The following SKP1 variants were observed in gnomAD, a reference collection of about 807,000 sequenced individuals.
SKP1 encodes S-phase kinase associated protein 1, also known as S-phase kinase-associated protein 1.
Under a neutral mutation model 21.5 loss-of-function variants are expected in SKP1, and 1 was observed. The ratio of observed to expected loss-of-function variants is 0.05; its 90% CI spans 0.02 to 0.22. The LOEUF (loss-of-function observed/expected upper bound fraction) is 0.22, where lower values mean the gene tolerates loss of function less well. SKP1 is among the 10% of genes least tolerant of loss of function. The pLI, the probability that SKP1 is intolerant of heterozygous loss-of-function variation, is 1.00. For synonymous variants in SKP1, 59 were observed against 59.3 expected, an observed-to-expected ratio of 0.99 and a Z score of 0.03; for missense variants, 70 against 192.0, an observed-to-expected ratio of 0.36 and a Z score of 3.76.
Position 134,151,765 on chromosome 5 carries a change from C to T in SKP1, c.*5968G>A, listed in dbSNP as rs922573224. 3.8e-5 allele frequency: 17 copies of T among 451,636 alleles called. No homozygotes were observed. The highest frequency in any genetic ancestry group is 3.3e-4 in the Middle Eastern group (1 of 3,056). 28.0% of individuals were successfully genotyped at this position (451,636 alleles called of 1,614,324 possible). A position where few individuals can be genotyped will look rare whatever the true frequency, so the allele number is the denominator to read the frequency against. On this transcript the variant is annotated 3_prime_UTR_variant, in exon 6 of 6. Transcript: ENST00000353411. ...CATAGAATGCTGCTCAATACTGGCA[C>T]ACAGACCAGAGGTAGCCAGCAGTAC...
At chr5:134,167,816 G>A (rs922367805) in intron 2 of SKP1, among the ~76,000 whole-genome samples, 2 of 152,164 alleles carry the variant, frequency 1.3e-5, no homozygotes, top group African/African-American at 4.8e-5. Context: ...GAGCCACCGC[G>A]TCCAGCCATC....
chr5:134,152,010 G>C lies in SKP1; in HGVS notation c.*5723C>G, dbSNP rs1033971169. On this transcript the variant is annotated 3_prime_UTR_variant, in exon 6 of 6. Transcript: ENST00000353411. Reference sequence around the variant, plus strand: ...AATCTTGGGCCAAAGGACATGCTCTGAAATATTTCTTACACCATACTTCAT... The same window carrying C: ...AATCTTGGGCCAAAGGACATGCTCTCAAATATTTCTTACACCATACTTCAT... The C allele has an allele frequency of 3.5e-5, 7 of 200,456 alleles. No individual in the cohort carries two copies. Among genetic ancestry groups the C allele is most frequent in the African/African-American group, 1.6e-4 (7 of 43,824 alleles). The allele number at this position is 200,456 out of a possible 1,614,324, so 12.4% of individuals were successfully genotyped here.
At chr5:134,165,801 G>A (rs1389430826) in intron 3 of SKP1, among the ~76,000 whole-genome samples, 7 of 150,766 alleles carry the variant, frequency 4.6e-5, no homozygotes, top group African/African-American at 1.5e-4. Flanking sequence ...CAGGAGAATT[G>A]CTTGAACCTG....
intron 2 of SKP1, among the ~76,000 whole-genome samples, chr5:134,170,093 C>G (rs890274870): frequency 6.6e-6 from 1 of 151,938 alleles, no homozygotes; most frequent in Non-Finnish European, 1.5e-5. Context: ...TGCTTGAACC[C>G]AGGAGGCAGA....
At chr5:134,169,630 C>T (rs575938545) in intron 2 of SKP1, among the ~76,000 whole-genome samples, 42 of 151,434 alleles carry the variant, frequency 2.8e-4, no homozygotes, top group Non-Finnish European at 5.2e-4. Flanking sequence ...TTTGGGAGGC[C>T]GAGGCAGGCA....
Position 134,158,179 on chromosome 5 carries a change from CAGA to C in SKP1, c.456+273_456+275del. On this transcript the variant is annotated intron_variant, in intron 5 of 5. Transcript: ENST00000353411. ...TGATGTCAGATATGTATGGTCTATACAGAAAGTTGCAGGTGCCAAAACTAGTAA... is the reference window on the plus strand; with the variant it reads ...TGATGTCAGATATGTATGGTCTATACAAGTTGCAGGTGCCAAAACTAGTAA... The C allele has an allele frequency of 2.2e-6, 3 of 1,390,242 alleles. No individual in the cohort carries two copies. The South Asian group carries it at 4.6e-5, about 21-fold the overall frequency. 86.1% of individuals were successfully genotyped at this position (1,390,242 alleles called of 1,614,324 possible).
Position 134,149,137 on chromosome 5 carries a change from G to C in SKP1, c.*8596C>G, listed in dbSNP as rs1056250411. ...AACATACTGGGTAGCGGTGAGGTCC[G>C]GGCTTTTAGTGTGCCTCTCACCCAA... On this transcript the variant is annotated 3_prime_UTR_variant, in exon 6 of 6. Transcript: ENST00000353411. 6.6e-6 allele frequency: 1 copy of C among 152,172 alleles called. No individual in the cohort carries two copies. The highest frequency in any genetic ancestry group is 2.4e-5 in the African/African-American group (1 of 41,402). The allele number at this position is 152,172 out of a possible 1,614,324, so 9.4% of individuals were successfully genotyped here.
chr5:134,157,564 T>C lies in SKP1; in HGVS notation c.*169A>G, dbSNP rs545065353. On this transcript the variant is annotated 3_prime_UTR_variant, in exon 6 of 6. Transcript: ENST00000353411. ...ACTAGAAGAAACTTGGCCGTAAGGT[T>C]TGGGATCTGTGCTCAAACTACACAT... 6.2e-6 allele frequency: 4 copies of C among 643,276 alleles called. No homozygotes were observed. The African/African-American group carries it at 7.3e-5, about 12-fold the overall frequency. 39.8% of individuals were successfully genotyped at this position (643,276 alleles called of 1,614,324 possible). A position where few individuals can be genotyped will look rare whatever the true frequency, so the allele number is the denominator to read the frequency against.
At position 134,176,287 on chromosome 5, in the gene SKP1, C is replaced by G. The variant is rs562247482; in HGVS notation, c.-1+568G>C. Among the ~76,000 whole-genome samples, 3 of 152,306 alleles carry G rather than the reference C, an allele frequency of 2.0e-5. No homozygotes were observed. In the South Asian group the frequency reaches 6.2e-4, roughly 32 times the overall value. On this transcript the variant is annotated intron_variant, in intron 1 of 5. Transcript: ENST00000353411. ...GCGGCTATGTGCAGAAAGCCGGCGC[C>G]CGCACACGGTTAGCCAGGACCGACC...
rs571763798 is a variant in SKP1, at chr5:134,173,505, A to C, written c.97+421T>G. ...CTCTGTCTCAAATAAATCAATCAAT[A>C]AATAAAATCTACACAGCAATCCACA... On this transcript the variant is annotated intron_variant, in intron 2 of 5. Transcript: ENST00000353411. 1.5e-5 allele frequency: 5 copies of C among 336,646 alleles called. No individual in the cohort carries two copies. The East Asian group carries it at 3.8e-4, about 25-fold the overall frequency. 20.9% of individuals were successfully genotyped at this position (336,646 alleles called of 1,614,324 possible).
At chr5:134,167,618 G>A (rs1761356682) in intron 2 of SKP1, among the ~76,000 whole-genome samples, 1 of 152,026 alleles carries the variant, frequency 6.6e-6, no homozygotes, top group Admixed American at 6.6e-5. Context: ...CGCCTCCCGG[G>A]TTCACACCAT....
In SKP1 at chr5:134,153,280, G is replaced by A. The variant is rs542274094; in HGVS notation, c.*4453C>T. 1.3e-5 allele frequency: 2 copies of A among 152,078 alleles called. No individual in the cohort carries two copies. Among genetic ancestry groups the A allele is most frequent in the South Asian group, 4.2e-4 (2 of 4,810 alleles). 9.4% of individuals were successfully genotyped at this position (152,078 alleles called of 1,614,324 possible). On this transcript the variant is annotated 3_prime_UTR_variant, in exon 6 of 6. Coordinates refer to ENST00000353411, the MANE Select transcript of SKP1 (RefSeq NM_170679.3). ...AGCCCAGGAATTCGAAAACAGCCTGGGCAACATGAGGAGACCTCATCTCTA... is the reference window on the plus strand; with the variant it reads ...AGCCCAGGAATTCGAAAACAGCCTGAGCAACATGAGGAGACCTCATCTCTA...
chr5:134,176,178 A>C (rs1761541735), intron 1 of SKP1, among the ~76,000 whole-genome samples: 1 of 152,200 alleles, frequency 6.6e-6, no homozygotes, highest in Non-Finnish European at 1.5e-5. Context: ...AGGCTCCTAC[A>C]AGTCACACCA....
At chr5:134,159,024 A>T (rs1761169844) in intron 4 of SKP1, among the ~76,000 whole-genome samples, 1 of 152,174 alleles carries the variant, frequency 6.6e-6, no homozygotes, top group Non-Finnish European at 1.5e-5. Context: ...TATTTCATTG[A>T]TTTCTGCCCT....
At chr5:134,173,597 C>T (rs1761485540) in intron 2 of SKP1, 1 of 406,222 alleles carries the variant, frequency 2.5e-6, no homozygotes, top group Non-Finnish European at 4.7e-6. Flanking sequence ...TATCTCTTTT[C>T]CAAAGACCTT....
At chr5:134,173,726 A>C (rs1316779240) in intron 2 of SKP1, 200 bp downstream of exon 2, 1 of 670,646 alleles carries the variant, frequency 1.5e-6, no homozygotes, top group Non-Finnish European at 2.8e-6. Context: ...ATTTAATGAG[A>C]GAACGACCCT....
intron 3 of SKP1, 150 bp downstream of exon 3, chr5:134,167,020 C>A: frequency 1.7e-6 from 1 of 588,942 alleles, no homozygotes; most frequent in South Asian, 2.3e-5. Context: ...ATACAAACAT[C>A]ACTCAAGTAA....
At chr5:134,176,453 A>AC (rs1023919775) in intron 1 of SKP1, among the ~76,000 whole-genome samples, 6 of 151,562 alleles carry the variant, frequency 4.0e-5, no homozygotes, top group Admixed American at 6.6e-5. Context: ...CAGCCAAGGG[A>AC]CCCCCATTCA....
rs747546593 is a variant in SKP1, at chr5:134,163,212, C to CAAAAAAAAA, written c.172-2091_172-2083dup. On this transcript the variant is annotated intron_variant, in intron 3 of 5. Transcript: ENST00000353411. The stretch of plus-strand genomic sequence containing the variant: ...CCTGAGCAAGAGAGTGCGATTCTGT[C>CAAAAAAAAA]AAAAAAAAAAAAAAAAAATCACTAT... 1.0e-3 allele frequency among the ~76,000 whole-genome samples: 70 copies of CAAAAAAAAA among 70,064 alleles called. 5 individuals carry two copies. Among genetic ancestry groups the CAAAAAAAAA allele is most frequent in the African/African-American group, 4.0e-3 (58 of 14,486 alleles). 46.0% of individuals were successfully genotyped at this position (70,064 alleles called of 152,430 possible).
Sources: allele counts gnomAD v4.1 joint callset (sites outside exome capture counted in the v4.1 genomes callset), GRCh38; gene constraint gnomAD v4.1.1; transcripts MANE v1.5; gene names NCBI Gene and HGNC (gene_info 2026-07-23, HGNC 2026-07-21).